The following SEZ6L2 variants were observed in gnomAD, a reference collection of about 807,000 sequenced individuals.
SEZ6L2 encodes the protein seizure related 6 homolog like 2.
In SEZ6L2, 44 loss-of-function variants were observed where a neutral mutation model predicts 97.0. That is an observed-to-expected ratio of 0.45 (90% CI 0.36 to 0.58). SEZ6L2 has a LOEUF of 0.58. Among genes scored for constraint, SEZ6L2 ranks in the 20% least tolerant of loss-of-function variants. The pLI, the probability that SEZ6L2 is intolerant of heterozygous loss-of-function variation, is 0.00. For missense variants in SEZ6L2, 1,086 were observed against 1,233.3 expected, an observed-to-expected ratio of 0.88 and a Z score of 1.79; for synonymous variants, 543 against 546.1, an observed-to-expected ratio of 0.99 and a Z score of 0.08.
At position 29,873,705 on chromosome 16, in the gene SEZ6L2, T is replaced by C. The variant is rs952848214; in HGVS notation, c.2129A>G (p.Glu710Gly). The C allele has an allele frequency of 6.2e-7, 1 of 1,600,138 alleles. No homozygotes were observed. The highest frequency in any genetic ancestry group is 8.5e-7 in the Non-Finnish European group (1 of 1,175,204). Residue 710 changes from glutamate (E) to glycine (G), a missense_variant, in exon 13 of 18, where the codon GAG becomes GGG. By Grantham distance (98) the Glu-to-Gly change is moderately conservative. This residue lies in a region of SEZ6L2 where 310 missense variants were observed against 438.6 expected (regional missense o/e 0.71). Coordinates refer to ENST00000617533, the MANE Select transcript of SEZ6L2 (RefSeq NM_001243332.2). The surrounding 1 kb of genome is among the most constrained non-coding windows in gnomAD (Gnocchi z 4.3). ...GGCGGTGCGGTGCCCGTTGGCAATCTCGCCAGGGTCAGCACAAGTCATGAC... is the reference window on the plus strand; with the variant it reads ...GGCGGTGCGGTGCCCGTTGGCAATCCCGCCAGGGTCAGCACAAGTCATGAC... Reference protein sequence around the residue: ...QKIMTCADPGEIANGHRTASD... With the variant: ...QKIMTCADPGGIANGHRTASD...
intron 12 of SEZ6L2, among the ~76,000 whole-genome samples, chr16:29,875,253 G>A (rs1294568697): frequency 2.6e-5 from 4 of 152,158 alleles, no homozygotes; most frequent in African/African-American, 9.7e-5. Context: ...GCTCAGGGCG[G>A]TCAAAGGACT....
chr16:29,898,877 A>G, intron 1 of SEZ6L2, 64 bp downstream of exon 1: 2 of 1,261,192 alleles, frequency 1.6e-6, no homozygotes, highest in South Asian at 2.5e-5. Context: ...ATTAAGAGAA[A>G]GGAGGGTGGA....
chr16:29,873,356 G>A lies in SEZ6L2; in HGVS notation c.2372C>T (p.Ala791Val), dbSNP rs886734088. Residue 791 changes from alanine to valine, a missense_variant, in exon 14 of 18, where the codon GCG becomes GTG. Physicochemically the swap from Ala to Val is moderately conservative, Grantham distance 64. Around this residue, in one of 2 missense-constraint regions of SEZ6L2, gnomAD observed 310 missense variants for 438.6 expected, o/e 0.71. Transcript: ENST00000617533. This position sits in a 1 kb window ranked among gnomAD's most constrained non-coding sequence, Gnocchi z 4.3. The stretch of plus-strand genomic sequence containing the variant: ...GCAGAAGAAGCGCAGAGACTCGCCC[G>A]CCTGGTAGTGGTGCTTGTACAGCGT... ...YQTLYKHHYQ[A>V]GESLRFFCYE... is the part of the protein sequence containing the mutation. The A allele has an allele frequency of 6.2e-7, 1 of 1,614,234 alleles. No homozygotes were observed. The highest frequency in any genetic ancestry group is 8.5e-7 in the Non-Finnish European group (1 of 1,180,044).
Position 29,888,665 on chromosome 16 carries a change from T to C in SEZ6L2, c.914A>G (p.Asp305Gly), listed in dbSNP as rs1416198649. 3.1e-6 allele frequency: 5 copies of C among 1,613,732 alleles called. No homozygotes were observed. Among genetic ancestry groups the C allele is most frequent in the East Asian group, 2.2e-5 (1 of 44,884 alleles). ...GGTGGCAGTGCCCCCAGGGTGCAGGTCCGTCACACTCACGTCCCCATGGGC... is the reference window on the plus strand; with the variant it reads ...GGTGGCAGTGCCCCCAGGGTGCAGGCCCGTCACACTCACGTCCCCATGGGC... ...RPAHGDVSVT[D>G]LHPGGTATFH... Residue 305 changes from aspartate (D) to glycine (G), a missense_variant, in exon 6 of 18, where the codon GAC becomes GGC. Physicochemically the swap from Asp to Gly is moderately conservative, Grantham distance 94 (BLOSUM62 -1). Transcript: ENST00000617533.
intron 8 of SEZ6L2, 139 bp from the exon 9 acceptor site, chr16:29,880,203 C>T: frequency 1.3e-6 from 1 of 777,566 alleles, no homozygotes; most frequent in Non-Finnish European, 2.0e-6. Context: ...TGTGCTGTCG[C>T]CCAGGCTGGA....
intron 8 of SEZ6L2, among the ~76,000 whole-genome samples, chr16:29,880,849 T>A (rs2068015534): frequency 6.6e-6 from 1 of 151,756 alleles, no homozygotes; most frequent in South Asian, 2.1e-4. Flanking sequence ...GCAGCCTAGA[T>A]CTTCTAGGCT....
chr16:29,895,511 C>T (rs779783008), intron 4 of SEZ6L2, 51 bp from the exon 5 acceptor site: 37 of 1,587,992 alleles, frequency 2.3e-5, no homozygotes, highest in Non-Finnish European at 2.9e-5. Context: ...AGGTGTTTGA[C>T]TTCCAAAGCC....
In SEZ6L2 at chr16:29,873,737, C is replaced by G; in HGVS notation, c.2105-8G>C. ...GGTCAGCACAAGTCATGACTGGTGG[C>G]AGAAGAACAAGGTCAGGGGGAGCGA... On this transcript the variant is annotated splice_polypyrimidine_tract_variant and splice_region_variant and intron_variant, in intron 12 of 17. Coordinates refer to ENST00000617533, the MANE Select transcript of SEZ6L2 (RefSeq NM_001243332.2). The surrounding 1 kb of genome is among the most constrained non-coding windows in gnomAD (Gnocchi z 4.3). The G allele has an allele frequency of 6.4e-7, 1 of 1,566,292 alleles. No individual in the cohort carries two copies. Among genetic ancestry groups the G allele is most frequent in the Non-Finnish European group, 8.6e-7 (1 of 1,157,866 alleles).
Position 29,871,317 on chromosome 16 carries a change from G to C in SEZ6L2, c.*382C>G, listed in dbSNP as rs1310732105. On this transcript the variant is annotated 3_prime_UTR_variant, in exon 18 of 18. Transcript: ENST00000617533. ...CCCTCCTGGCCGGAGTCAGGCCTAG[G>C]GCCAGGGCATCTGGGAGGGGGGCAC... 1.8e-5 allele frequency: 6 copies of C among 339,018 alleles called. No homozygotes were observed. Among genetic ancestry groups the C allele is most frequent in the Admixed American group, 3.8e-5 (1 of 26,576 alleles). 21.0% of individuals were successfully genotyped at this position (339,018 alleles called of 1,614,324 possible).
chr16:29,872,292 G>A lies in SEZ6L2; in HGVS notation c.2646-9C>T. ...GGGACTTTCCCTGAAGCCTGGGAAAGGGAGAGGACAGAGGAGCTTATCAAC... is the reference window on the plus strand; with the variant it reads ...GGGACTTTCCCTGAAGCCTGGGAAAAGGAGAGGACAGAGGAGCTTATCAAC... On this transcript the variant is annotated splice_polypyrimidine_tract_variant and intron_variant, in intron 16 of 17. Transcript: ENST00000617533. The A allele has an allele frequency of 6.2e-7, 1 of 1,609,430 alleles. No individual in the cohort carries two copies. Among genetic ancestry groups the A allele is most frequent in the Non-Finnish European group, 8.5e-7 (1 of 1,177,398 alleles).
At chr16:29,885,565 G>T in intron 8 of SEZ6L2, 21 bp downstream of exon 8, 1 of 1,606,850 alleles carries the variant, frequency 6.2e-7, no homozygotes. Flanking sequence ...TTGGGGTCCT[G>T]TGGGGGAGTG....
intron 6 of SEZ6L2, 57 bp from the exon 7 acceptor site, chr16:29,887,874 C>G (rs760485265): frequency 6.3e-7 from 1 of 1,581,074 alleles, no homozygotes. Flanking sequence ...TCCTTCTCCT[C>G]GGGGCCTCGG....
chr16:29,895,950 T>A, intron 3 of SEZ6L2, 90 bp from the exon 4 acceptor site: 1 of 1,343,262 alleles, frequency 7.4e-7, no homozygotes, highest in Non-Finnish European at 1.0e-6. Flanking sequence ...CCCTTCTCCT[T>A]AGCACTTCTC....
chr16:29,885,903 A>C, intron 7 of SEZ6L2, 154 bp from the exon 8 acceptor site: 2 of 628,482 alleles, frequency 3.2e-6, no homozygotes, highest in Non-Finnish European at 5.1e-6. Flanking sequence ...TATCTCATTT[A>C]ATTTTCACAA....
Position 29,898,986 on chromosome 16 carries a change from G to A in SEZ6L2, c.34C>T (p.Pro12Ser). ...GTPRAQHPPP[P>S]QLLFLILLSC... is the part of the protein sequence containing the mutation. ...AGCAGAATTAGGAACAGCAGCTGGG[G>A]AGGCGGCGGGTGCTGGGCCCTGGGA... Residue 12 changes from proline to serine, a missense_variant, in exon 1 of 18, where the codon CCC becomes TCC. By Grantham distance (74) the Pro-to-Ser change is moderately conservative. This residue lies in a region of SEZ6L2 where 776 missense variants were observed against 794.7 expected (regional missense o/e 0.98). Coordinates refer to ENST00000617533, the MANE Select transcript of SEZ6L2 (RefSeq NM_001243332.2). 1 of 1,612,152 alleles carries A rather than the reference G, an allele frequency of 6.2e-7. No individual in the cohort carries two copies. Among genetic ancestry groups the A allele is most frequent in the Non-Finnish European group, 8.5e-7 (1 of 1,179,692 alleles).
At chr16:29,879,283 T>C (rs1388274032) in intron 9 of SEZ6L2, among the ~76,000 whole-genome samples, 1 of 151,786 alleles carries the variant, frequency 6.6e-6, no homozygotes, top group African/African-American at 2.4e-5. Flanking sequence ...TGGAGTGCAG[T>C]GCTGCGATCT....
At position 29,888,504 on chromosome 16, in the gene SEZ6L2, G is replaced by T. The variant is rs184440660; in HGVS notation, c.1039+36C>A. On this transcript the variant is annotated intron_variant, in intron 6 of 17. Coordinates refer to ENST00000617533, the MANE Select transcript of SEZ6L2 (RefSeq NM_001243332.2). ...TAGGACCCTCCCAATGGGGTTCCCA[G>T]AACAGATGCCCCACCCACTGTGGCA... 271 of 1,603,388 alleles carry T rather than the reference G, an allele frequency of 1.7e-4. No homozygotes were observed. The Middle Eastern group carries it at 4.2e-3, about 25-fold the overall frequency.
At chr16:29,883,730 G>A (rs1185059940) in intron 8 of SEZ6L2, among the ~76,000 whole-genome samples, 2 of 152,018 alleles carry the variant, frequency 1.3e-5, no homozygotes, top group African/African-American at 4.8e-5. Context: ...TCAGTAGTTG[G>A]AGACCAGCCT....
chr16:29,887,616 T>C (rs752649164), intron 7 of SEZ6L2, 33 bp downstream of exon 7: 2 of 1,518,906 alleles, frequency 1.3e-6, no homozygotes, highest in South Asian at 2.6e-5. Flanking sequence ...CCGGCCAAGG[T>C]GGGGACTTCT....
Sources: gnomAD v4.1 joint callset for allele counts (sites outside exome capture counted in the v4.1 genomes callset) on GRCh38, gnomAD v4.1.1 for gene constraint, gnomAD v4.1.1 regional missense constraint, Gnocchi (gnomAD v3.1) non-coding constraint, MANE v1.5 for transcripts, NCBI Gene and HGNC (gene_info 2026-07-23, HGNC 2026-07-21) for gene names.